EPX: variants seen among roughly 807,000 people sequenced by gnomAD.
The protein encoded by EPX is eosinophil peroxidase.
A neutral mutation model predicts 73.0 loss-of-function variants in EPX; 60 were observed. The observed-to-expected ratio is 0.82, with a 90% CI of 0.67 to 1.02. The LOEUF is 1.02. Among genes scored for constraint, EPX ranks in the 50% least tolerant of loss-of-function variants. The probability of loss-of-function intolerance (pLI) is 0.00; values close to 1 mark genes in which losing one functional copy is unlikely to be tolerated. For synonymous variants in EPX, 347 were observed against 389.2 expected, an observed-to-expected ratio of 0.89 and a Z score of 1.28; for missense variants, 950 against 973.9, an observed-to-expected ratio of 0.98 and a Z score of 0.33.
At chr17:58,197,465 T>C (rs1414595615) in intron 7 of EPX, among the ~76,000 whole-genome samples, 1 of 152,160 alleles carries the variant, frequency 6.6e-6, no homozygotes, top group East Asian at 1.9e-4. Flanking sequence ...GATAACTGCT[T>C]AACCGTCTCC....
In EPX at chr17:58,204,232, C is replaced by T. The variant is rs748044763; in HGVS notation, c.1957C>T (p.Gln653Ter). ...RARDGDRFWW[Q>*]KRGVFTKRQR... ...TCGACTGCCTGGTAGGTTCTGGTGGCAGAAACGAGGTGTTTTCACCAAAAG... is the reference window on the plus strand; with the variant it reads ...TCGACTGCCTGGTAGGTTCTGGTGGTAGAAACGAGGTGTTTTCACCAAAAG... Residue 653 changes from glutamine to a stop codon, truncating the protein, a stop_gained, in exon 12 of 13, where the codon CAG (glutamine) becomes TAG (stop). Transcript: ENST00000225371. LOFTEE classifies it high-confidence loss of function. 3 of 1,613,804 alleles carry T rather than the reference C, an allele frequency of 1.9e-6. No homozygotes were observed. Among genetic ancestry groups the T allele is most frequent in the Non-Finnish European group, 2.5e-6 (3 of 1,179,682 alleles).
chr17:58,199,719 T>C lies in EPX; in HGVS notation c.1462T>C (p.Tyr488His), dbSNP rs773320313. ...QPFMFRLDSQ[Y>H]RASAPNSHVP... ...CTTCATGTTCCGCTTGGACAGTCAG[T>C]ACCGGGCCTCCGCACCCAACTCGCA... Residue 488 changes from tyrosine to histidine, a missense_variant, in exon 9 of 13, where the codon TAC (tyrosine) becomes CAC (histidine). Coordinates refer to ENST00000225371, the MANE Select transcript of EPX (RefSeq NM_000502.6). The C allele has an allele frequency of 1.2e-6, 2 of 1,614,092 alleles. No homozygotes were observed. Among genetic ancestry groups the C allele is most frequent in the East Asian group, 4.5e-5 (2 of 44,894 alleles).
rs568862866 is a variant in EPX at position 58,205,114 on chromosome 17, C to T, written c.*390C>T. The T allele has an allele frequency of 5.9e-6, 1 of 170,350 alleles. No individual in the cohort carries two copies. Among genetic ancestry groups the T allele is most frequent in the South Asian group, 1.4e-4 (1 of 7,136 alleles). The allele number at this position is 170,350 out of a possible 1,614,324, so 10.6% of individuals were successfully genotyped here. ...TAGCCTCCAGACACCCCACAATACTCCTCTGAGCCTGAGGCCAGGCAGCAT... is the reference window on the plus strand; with the variant it reads ...TAGCCTCCAGACACCCCACAATACTTCTCTGAGCCTGAGGCCAGGCAGCAT... On this transcript the variant is annotated 3_prime_UTR_variant, in exon 13 of 13. Transcript: ENST00000225371.
chr17:58,199,784 C>A lies in EPX; in HGVS notation c.1527C>A (p.Ile509=). 6.2e-7 allele frequency: 1 copy of A among 1,607,584 alleles called. No homozygotes were observed. The highest frequency in any genetic ancestry group is 8.5e-7 in the Non-Finnish European group (1 of 1,177,732). Residue 509 remains isoleucine (I), a synonymous_variant, in exon 9 of 13, where the codon ATC becomes ATA. Transcript: ENST00000225371. ...CTGCCTTCTTTGCCAGCTGGCGGAT[C>A]GTGTATGAAGGTGACCAGGTTTTCC... ...LSSAFFASWR[I]VYEGGIDPIL... is the part of the protein sequence containing the mutation.
At chr17:58,201,266 G>A (rs1026695107) in intron 10 of EPX, among the ~76,000 whole-genome samples, 14 of 152,332 alleles carry the variant, frequency 9.2e-5, no homozygotes, top group Admixed American at 3.3e-4. Flanking sequence ...GTAGAGCACA[G>A]CAGGCACTCC....
At chr17:58,203,931 CAAAAAAAAAAAAAAAAAAAAAAAAAAAAA>C (rs567848038) in intron 11 of EPX, among the ~76,000 whole-genome samples, 10 of 15,752 alleles carry the variant, frequency 6.3e-4, no homozygotes, top group Admixed American at 1.2e-3. Context: ...GACTCCGTCT[CAAAAAAAAAAAAAAAAAAAAAAAAAAAAA>C]AAAAAAAAAA....
Position 58,196,020 on chromosome 17 carries a change from C to T in EPX, c.801+850C>T, listed in dbSNP as rs187211970. On this transcript the variant is annotated intron_variant, in intron 6 of 12. Transcript: ENST00000225371. ...CTTCCTTCCCTTCCTTCCTTCATTT[C>T]CTTCCTTCCTTTCTTTCTTTCTTTT... Among the ~76,000 whole-genome samples, 571 of 137,384 alleles carry T rather than the reference C, an allele frequency of 4.2e-3. 5 individuals carry two copies. Among genetic ancestry groups the T allele is most frequent in the South Asian group, 5.7e-3 (24 of 4,190 alleles). 90.1% of individuals were successfully genotyped at this position (137,384 alleles called of 152,430 possible).
chr17:58,202,805 C>T (rs960037989), intron 10 of EPX: 12 of 475,740 alleles, frequency 2.5e-5, no homozygotes, highest in Non-Finnish European at 3.5e-5. Context: ...CACTAAGTGT[C>T]GGATTTGTGG....
chr17:58,199,938 G>A, intron 9 of EPX, 144 bp downstream of exon 9: 1 of 936,036 alleles, frequency 1.1e-6, no homozygotes, highest in Non-Finnish European at 1.6e-6. Flanking sequence ...CAAGGCAGGT[G>A]CCAGCAAGAC....
At position 58,195,060 on chromosome 17, in the gene EPX, A is replaced by G; in HGVS notation, c.691A>G (p.Ile231Val). Residue 231 changes from isoleucine (I) to valine (V), a missense_variant, in exon 6 of 13, where the codon ATT becomes GTT. Transcript: ENST00000225371. ...ALMFMQWGQFIDHDLDFSPES... is the reference protein window; with the variant it reads ...ALMFMQWGQFVDHDLDFSPES... ...CATGTTCATGCAGTGGGGCCAGTTC[A>G]TTGACCATGACCTGGACTTCTCCCC... 6.2e-7 allele frequency: 1 copy of G among 1,614,042 alleles called. No individual in the cohort carries two copies. The highest frequency in any genetic ancestry group is 8.5e-7 in the Non-Finnish European group (1 of 1,179,894).
Position 58,193,431 on chromosome 17 carries a change from A to G in EPX, c.231A>G (p.Lys77=), listed in dbSNP as rs545244746. Residue 77 remains lysine (K), a synonymous_variant, in exon 3 of 13, where the codon AAA becomes AAG. Transcript: ENST00000225371. Reference sequence around the variant, plus strand: ...CCATGGACCTCCTGTCCTACTTCAAACAACCGGTAGCAGCCACCAGGACAG... The same window carrying G: ...CCATGGACCTCCTGTCCTACTTCAAGCAACCGGTAGCAGCCACCAGGACAG... ...ASPMDLLSYF[K]QPVAATRTVV... The G allele has an allele frequency of 3.1e-6, 5 of 1,614,042 alleles. No individual in the cohort carries two copies. The highest frequency in any genetic ancestry group is 1.1e-5 in the South Asian group (1 of 91,072).
intron 6 of EPX, among the ~76,000 whole-genome samples, 168 bp downstream of exon 6, chr17:58,195,338 G>A (rs1026877493): frequency 3.0e-4 from 46 of 152,200 alleles, no homozygotes; most frequent in Admixed American, 2.8e-3. Context: ...ACCCCGCGCC[G>A]TGTGTGTTTG....
chr17:58,199,620 T>C lies in EPX; in HGVS notation c.1363T>C (p.Cys455Arg), dbSNP rs1968310640. 1 of 1,614,204 alleles carries C rather than the reference T, an allele frequency of 6.2e-7. No individual in the cohort carries two copies. Among genetic ancestry groups the C allele is most frequent in the African/African-American group, 1.3e-5 (1 of 75,062 alleles). ...RRTLGHYRGY[C>R]SNVDPRVANV... ...AACCCTGGGGCACTACAGGGGGTAC[T>C]GCTCCAATGTGGACCCACGGGTGGC... Residue 455 changes from cysteine to arginine, a missense_variant, in exon 9 of 13, where the codon TGC becomes CGC. By Grantham distance (180) the Cys-to-Arg change is radical (BLOSUM62 -3). Coordinates refer to ENST00000225371, the MANE Select transcript of EPX (RefSeq NM_000502.6).
chr17:58,193,628 G>T, intron 3 of EPX, 82 bp downstream of exon 3: 5 of 1,566,922 alleles, frequency 3.2e-6, no homozygotes, highest in Non-Finnish European at 3.5e-6. Context: ...AGGGTGCACA[G>T]GTTTGGGGTG....
At position 58,192,740 on chromosome 17, in the gene EPX, A is replaced by C; in HGVS notation, c.-107A>C. The C allele has an allele frequency of 1.1e-6, 1 of 911,184 alleles. No individual in the cohort carries two copies. Among genetic ancestry groups the C allele is most frequent in the Non-Finnish European group, 1.8e-6 (1 of 569,306 alleles). The allele number at this position is 911,184 out of a possible 1,614,324, so 56.4% of individuals were successfully genotyped here. On this transcript the variant is annotated 5_prime_UTR_variant, in exon 1 of 13. Transcript: ENST00000225371. ...CTACGTCCAGAGAAGAGCTGGAGGA[A>C]GTGAGAGGTCGGCTGGGGGTCCTCA...
At chr17:58,195,522 A>G (rs1167877716) in intron 6 of EPX, among the ~76,000 whole-genome samples, 1 of 152,110 alleles carries the variant, frequency 6.6e-6, no homozygotes, top group Non-Finnish European at 1.5e-5. Flanking sequence ...TTCCCAGAGT[A>G]GTCCAAGGGT....
At chr17:58,195,538 G>A (rs151058281) in intron 6 of EPX, among the ~76,000 whole-genome samples, 244 of 152,238 alleles carry the variant, frequency 1.6e-3, no homozygotes, top group African/African-American at 4.1e-3. Flanking sequence ...AGGGTCCTGC[G>A]GCTCTTGCCA....
At chr17:58,203,024 A>G in intron 10 of EPX, 57 bp from the exon 11 acceptor site, 1 of 1,329,416 alleles carries the variant, frequency 7.5e-7, no homozygotes, top group Admixed American at 1.7e-5. Context: ...GTGGAGAAAA[A>G]CAGAAGCTAA....
chr17:58,201,435 C>T (rs1026683855), intron 10 of EPX, among the ~76,000 whole-genome samples: 15 of 152,156 alleles, frequency 9.9e-5, no homozygotes, highest in Admixed American at 8.5e-4. Flanking sequence ...AGAGAGAGGG[C>T]GGCTGAACAG....
Sources: allele counts gnomAD v4.1 joint callset (sites outside exome capture counted in the v4.1 genomes callset), GRCh38; gene constraint gnomAD v4.1.1; transcripts MANE v1.5; gene names NCBI Gene and HGNC (gene_info 2026-07-23, HGNC 2026-07-21).